TTC7B: variants seen among roughly 807,000 people sequenced by gnomAD.
TTC7B encodes the protein tetratricopeptide repeat protein 7B.
In TTC7B, 28 loss-of-function variants were observed where a neutral mutation model predicts 106.8. That is an observed-to-expected ratio of 0.26 (90% CI 0.19 to 0.36). TTC7B has a LOEUF of 0.36. Among genes scored for constraint, TTC7B ranks in the 10% least tolerant of loss-of-function variants. The pLI, the probability that TTC7B is intolerant of heterozygous loss-of-function variation, is 1.00. For missense variants in TTC7B, 862 were observed against 1,076.4 expected, an observed-to-expected ratio of 0.80 and a Z score of 2.79; for synonymous variants, 405 against 430.6, an observed-to-expected ratio of 0.94 and a Z score of 0.74.
chr14:90,602,810 T>C (rs1477667837), intron 17 of TTC7B, among the ~76,000 whole-genome samples: 1 of 152,008 alleles, frequency 6.6e-6, no homozygotes, highest in Non-Finnish European at 1.5e-5. Context: ...TTAGAAAAAT[T>C]AACAGTTAGA....
In TTC7B at chr14:90,676,369, A is replaced by G. The variant is rs191447638; in HGVS notation, c.1152+154T>C. 9.1e-6 allele frequency: 7 copies of G among 769,080 alleles called. No individual in the cohort carries two copies. In the East Asian group the frequency reaches 1.5e-4, roughly 17 times the overall value. 47.6% of individuals were successfully genotyped at this position (769,080 alleles called of 1,614,324 possible). A position where few individuals can be genotyped will look rare whatever the true frequency, so the allele number is the denominator to read the frequency against. ...AATCATTTAGCCCAAGGCCCATTCT[A>G]CAGGGGAGAAAACCAAAGTTAAGTG... On this transcript the variant is annotated intron_variant, in intron 9 of 19. Coordinates refer to ENST00000328459, the MANE Select transcript of TTC7B (RefSeq NM_001010854.2).
chr14:90,652,801 CATT>C (rs774770995), intron 13 of TTC7B, 37 bp downstream of exon 13: 1 of 1,608,408 alleles, frequency 6.2e-7, no homozygotes, highest in Non-Finnish European at 8.5e-7. Context: ...ACTTTGGTGT[CATT>C]ATGTACAGCC....
At chr14:90,583,696 C>G (rs947012681) in intron 18 of TTC7B, among the ~76,000 whole-genome samples, 1 of 152,144 alleles carries the variant, frequency 6.6e-6, no homozygotes, top group African/African-American at 2.4e-5. Context: ...CCGCTGGTGG[C>G]TGACTGCCTC....
chr14:90,559,187 T>C (rs372551993), intron 19 of TTC7B, among the ~76,000 whole-genome samples: 1 of 152,184 alleles, frequency 6.6e-6, no homozygotes, highest in South Asian at 2.1e-4. Flanking sequence ...CCACCTGCCA[T>C]GTATGGGTCA....
chr14:90,568,980 G>C (rs1595166340), intron 19 of TTC7B, among the ~76,000 whole-genome samples: 2 of 152,302 alleles, frequency 1.3e-5, no homozygotes, highest in East Asian at 3.9e-4. Context: ...CCTCACACCT[G>C]TTCCACCAGT....
intron 18 of TTC7B, among the ~76,000 whole-genome samples, chr14:90,581,678 G>C (rs981398498): frequency 2.6e-5 from 4 of 152,216 alleles, no homozygotes; most frequent in African/African-American, 9.6e-5. Flanking sequence ...TATGAACAAA[G>C]GCTGACATAG....
intron 18 of TTC7B, among the ~76,000 whole-genome samples, chr14:90,587,805 G>A (rs996816849): frequency 1.3e-5 from 2 of 152,204 alleles, no homozygotes; most frequent in African/African-American, 4.8e-5. Flanking sequence ...CTGTGGGTTG[G>A]AGCTAGGGTT....
chr14:90,702,303 C>T (rs1478584849), intron 5 of TTC7B, among the ~76,000 whole-genome samples: 1 of 152,150 alleles, frequency 6.6e-6, no homozygotes, highest in African/African-American at 2.4e-5. Flanking sequence ...CATTGGGTAA[C>T]TGTACCCACC....
intron 19 of TTC7B, among the ~76,000 whole-genome samples, chr14:90,571,327 G>GTCCAGTAGGAGGCA (rs1264021634): frequency 5.9e-5 from 9 of 152,194 alleles, no homozygotes; most frequent in African/African-American, 1.9e-4. Flanking sequence ...AAGATGAAGT[G>GTCCAGTAGGAGGCA]TCCAGTAGGA....
chr14:90,710,618 GC>G (rs1348358498), intron 5 of TTC7B, among the ~76,000 whole-genome samples: 27 of 152,232 alleles, frequency 1.8e-4, no homozygotes, highest in East Asian at 7.7e-4. Flanking sequence ...TTAAGAAATT[GC>G]CACAGCCACC....
At chr14:90,658,443 G>A in intron 9 of TTC7B, 56 bp from the exon 10 acceptor site, 1 of 1,498,624 alleles carries the variant, frequency 6.7e-7, no homozygotes, top group South Asian at 1.1e-5. Flanking sequence ...TGCCACAACT[G>A]CACAAGTGTG....
At chr14:90,723,160 C>A (rs1301403361) in intron 5 of TTC7B, among the ~76,000 whole-genome samples, 2 of 152,212 alleles carry the variant, frequency 1.3e-5, no homozygotes, top group African/African-American at 2.4e-5. Context: ...CTCCACGCAT[C>A]TAACCAATGG....
At position 90,554,632 on chromosome 14, in the gene TTC7B, T is replaced by G. The variant is rs556479074; in HGVS notation, c.2311-13043A>C. Among the ~76,000 whole-genome samples the G allele has an allele frequency of 2.8e-4, 43 of 152,302 alleles. 1 individual carries two copies. Among genetic ancestry groups the G allele is most frequent in the Admixed American group, 2.2e-3 (34 of 15,308 alleles). On this transcript the variant is annotated intron_variant, in intron 19 of 19. Transcript: ENST00000328459. The stretch of plus-strand genomic sequence containing the variant: ...AAGGCTCGGGACTGGAGGGGCTGGT[T>G]TGCTGTGGGTCCTGCCCCAGAGCCT...
chr14:90,763,699 T>A (rs748871936), intron 3 of TTC7B, among the ~76,000 whole-genome samples: 1 of 152,184 alleles, frequency 6.6e-6, no homozygotes, highest in Non-Finnish European at 1.5e-5. Flanking sequence ...ATGAGCTGTA[T>A]TTCTATACCT....
Position 90,524,902 on chromosome 14 carries a change from C to T in TTC7B, c.*16466G>A, listed in dbSNP as rs1419506771. Reference sequence around the variant, plus strand: ...GGCCTTTTTTTTTAAAAAAAAAAAACAAACAAAAAAACAAAAAACAGCCTT... The same window carrying T: ...GGCCTTTTTTTTTAAAAAAAAAAAATAAACAAAAAAACAAAAAACAGCCTT... On this transcript the variant is annotated 3_prime_UTR_variant, in exon 20 of 20. Coordinates refer to ENST00000328459, the MANE Select transcript of TTC7B (RefSeq NM_001010854.2). 1 of 140,764 alleles carries T rather than the reference C, an allele frequency of 7.1e-6. No homozygotes were observed. Among genetic ancestry groups the T allele is most frequent in the Non-Finnish European group, 1.6e-5 (1 of 63,908 alleles). The allele number at this position is 140,764 out of a possible 1,614,324, so 8.7% of individuals were successfully genotyped here.
intron 18 of TTC7B, among the ~76,000 whole-genome samples, chr14:90,585,962 C>A (rs72691731): frequency 6.6e-6 from 1 of 152,348 alleles, no homozygotes; most frequent in African/African-American, 2.4e-5. Flanking sequence ...CACTGCCCAC[C>A]GGCCACATCC....
intron 17 of TTC7B, chr14:90,605,678 A>G: frequency 1.6e-6 from 2 of 1,289,136 alleles, no homozygotes; most frequent in Non-Finnish European, 2.0e-6. Flanking sequence ...GGTTTGGGAG[A>G]ATGAAGATGA....
chr14:90,625,245 T>C (rs2139857950), intron 15 of TTC7B, among the ~76,000 whole-genome samples: 1 of 152,178 alleles, frequency 6.6e-6, no homozygotes, highest in South Asian at 2.1e-4. Context: ...AGAAGGCAGA[T>C]GGGAATGTGA....
In TTC7B at chr14:90,538,241, CGGATGGATGGATGGATGGATGGATGGAT is replaced by C. The variant is rs71117363; in HGVS notation, c.*3099_*3126del. ...GCGTCCTCATCTATTAATGGATGGACGGATGGATGGATGGATGGATGGATGGATGGATGGATGGATGGACGGACGGACG... is the reference window on the plus strand; with the variant it reads ...GCGTCCTCATCTATTAATGGATGGACGGATGGATGGATGGACGGACGGACG... On this transcript the variant is annotated 3_prime_UTR_variant, in exon 20 of 20. Transcript: ENST00000328459. 6.7e-6 allele frequency: 1 copy of C among 149,462 alleles called. No homozygotes were observed. Among genetic ancestry groups the C allele is most frequent in the Non-Finnish European group, 1.5e-5 (1 of 67,488 alleles). 9.3% of individuals were successfully genotyped at this position (149,462 alleles called of 1,614,324 possible). A position where few individuals can be genotyped will look rare whatever the true frequency, so the allele number is the denominator to read the frequency against.
Sources: gnomAD v4.1 joint callset for allele counts (sites outside exome capture counted in the v4.1 genomes callset) on GRCh38, gnomAD v4.1.1 for gene constraint, MANE v1.5 for transcripts, NCBI Gene and HGNC (gene_info 2026-07-23, HGNC 2026-07-21) for gene names.